Variants in KYNU observed in about 807,000 individuals in gnomAD.
KYNU encodes L-kynurenine hydrolase.
Under a neutral mutation model 59.2 loss-of-function variants are expected in KYNU, and 54 were observed. The observed-to-expected ratio is 0.91, with a 90% CI of 0.73 to 1.14. The LOEUF (loss-of-function observed/expected upper bound fraction) is 1.14. KYNU is among the 50% of genes most tolerant of loss of function. The pLI is 0.00. For synonymous variants in KYNU, 177 were observed against 192.0 expected (o/e 0.92, Z 0.65); for missense variants, 567 against 554.4 (o/e 1.02, Z -0.23).
chr2:142,912,703 CTTTTTTTTTT>C (rs1163302368), intron 2 of KYNU, among the ~76,000 whole-genome samples: 2 of 71,836 alleles, frequency 2.8e-5, no homozygotes, highest in African/African-American at 7.1e-5. Context: ...TTCTTTCTTC[CTTTTTTTTTT>C]TTTTTTTTTT....
At chr2:142,947,297 A>G (rs1427496822) in intron 4 of KYNU, 15 of 1,403,698 alleles carry the variant, frequency 1.1e-5, no homozygotes, top group Non-Finnish European at 1.3e-5. Flanking sequence ...ACTCACCACT[A>G]CACACCTGTG....
intron 10 of KYNU, chr2:142,989,934 T>C (rs550781722): frequency 3.9e-5 from 6 of 152,000 alleles, no homozygotes; most frequent in African/African-American, 1.2e-4. Flanking sequence ...TACCAAGAGA[T>C]TTCACTTCCT....
intron 2 of KYNU, among the ~76,000 whole-genome samples, chr2:142,916,002 A>T (rs1001027333): frequency 1.3e-5 from 2 of 152,116 alleles, no homozygotes; most frequent in Non-Finnish European, 2.9e-5. Context: ...CACACAAGAG[A>T]TGGCCATCTG....
intron 10 of KYNU, among the ~76,000 whole-genome samples, chr2:142,986,916 G>T (rs1223089924): frequency 6.6e-6 from 1 of 151,788 alleles, no homozygotes; most frequent in Non-Finnish European, 1.5e-5. Flanking sequence ...CTGAAGTTCT[G>T]TGCATATAAA....
Position 143,040,648 on chromosome 2 carries a change from G to A in KYNU, c.1262G>A (p.Arg421Lys), listed in dbSNP as rs760345727. 3 of 1,602,514 alleles carry A rather than the reference G, an allele frequency of 1.9e-6. No homozygotes were observed. The highest frequency in any genetic ancestry group is 2.6e-6 in the Non-Finnish European group (3 of 1,172,674). ...NKDVFQELEK[R>K]GVVCDKRNPN... ...GATGTTTTCCAAGAACTAGAAAAAA[G>A]AGGAGTGGTTGTAAGTATGTCTTGC... is the stretch of plus-strand genomic sequence containing the variant. The change falls in exon 13 of 14, where the codon AGA (arginine) becomes AAA (lysine). Residue 421 changes from arginine (R) to lysine (K), a missense_variant. By Grantham distance (26) the Arg-to-Lys change is conservative (BLOSUM62 2). Coordinates refer to ENST00000264170, the MANE Select transcript of KYNU (RefSeq NM_003937.3).
In KYNU at chr2:143,007,241, C is replaced by T. The variant is rs570716868; in HGVS notation, c.902+21220C>T. On this transcript the variant is annotated intron_variant, in intron 10 of 13. Transcript: ENST00000264170. ...GCTGATGGAGCTGAAAACCAAGGCTCGAGAACTACATGAAGAATGCAGAAG... is the reference window on the plus strand; with the variant it reads ...GCTGATGGAGCTGAAAACCAAGGCTTGAGAACTACATGAAGAATGCAGAAG... Among the ~76,000 whole-genome samples the T allele has an allele frequency of 5.3e-5, 8 of 149,640 alleles. 1 individual carries two copies. Among genetic ancestry groups the T allele is most frequent in the South Asian group, 4.2e-4 (2 of 4,788 alleles).
At chr2:142,915,832 T>C (rs1272875130) in intron 2 of KYNU, among the ~76,000 whole-genome samples, 1 of 152,180 alleles carries the variant, frequency 6.6e-6, no homozygotes, top group East Asian at 1.9e-4. Flanking sequence ...TCCCTAAAAA[T>C]TCATGTGTTG....
chr2:142,946,656 A>G (rs1217171547), intron 4 of KYNU, among the ~76,000 whole-genome samples: 1 of 152,206 alleles, frequency 6.6e-6, no homozygotes, highest in African/African-American at 2.4e-5. Context: ...TATAAAGCAC[A>G]GGAAGAGTAG....
At chr2:143,032,951 G>A (rs903054359) in intron 11 of KYNU, among the ~76,000 whole-genome samples, 1 of 152,118 alleles carries the variant, frequency 6.6e-6, no homozygotes, top group Non-Finnish European at 1.5e-5. Context: ...GAATAGGAAG[G>A]CAGAGAATGA....
intron 8 of KYNU, among the ~76,000 whole-genome samples, chr2:142,965,435 AAAGACTTGAGGC>A (rs150914682): frequency 0.078 from 11,877 of 152,194 alleles, 737 homozygotes; most frequent in East Asian, 0.35. Context: ...TCTCACCACG[AAAGACTTGAGGC>A]AAGGGGCTGC....
intron 7 of KYNU, among the ~76,000 whole-genome samples, chr2:142,958,482 A>G (rs13009680): frequency 0.079 from 11,976 of 152,232 alleles, 1,386 homozygotes; most frequent in African/African-American, 0.25. Context: ...ATGCTCCCAG[A>G]CCGCTAGTCA....
In KYNU at chr2:143,005,719, C is replaced by A. The variant is rs988665571; in HGVS notation, c.902+19698C>A. Among the ~76,000 whole-genome samples, 7 of 151,870 alleles carry A rather than the reference C, an allele frequency of 4.6e-5. No homozygotes were observed. In the South Asian group the frequency reaches 6.3e-4, roughly 14 times the overall value. On this transcript the variant is annotated intron_variant, in intron 10 of 13. Coordinates refer to ENST00000264170, the MANE Select transcript of KYNU (RefSeq NM_003937.3). ...AAACCTGGAACTATTTAGGTTGGTG[C>A]AAAAGTAATTGTGGTTTTTGCCATG...
At chr2:143,039,331 C>T (rs1030061102) in intron 12 of KYNU, among the ~76,000 whole-genome samples, 3 of 152,076 alleles carry the variant, frequency 2.0e-5, no homozygotes, top group African/African-American at 7.2e-5. Context: ...CACTGCTTTA[C>T]ACATTTGCAC....
intron 8 of KYNU, among the ~76,000 whole-genome samples, chr2:142,977,348 G>T (rs922869751): frequency 3.8e-5 from 4 of 105,180 alleles, no homozygotes; most frequent in Admixed American, 9.2e-5. Context: ...CAGGTGGCTA[G>T]CTTCCTGGAT....
intron 3 of KYNU, among the ~76,000 whole-genome samples, chr2:142,923,046 G>T (rs351712): frequency 0.026 from 3,930 of 152,218 alleles, 170 homozygotes; most frequent in Admixed American, 0.11. Flanking sequence ...TTTTACAAGG[G>T]TACTAATCCC....
rs181782167 is a variant in KYNU, at chr2:142,884,155, T to C, written c.-19-1194T>C. 6.6e-5 allele frequency among the ~76,000 whole-genome samples: 10 copies of C among 152,340 alleles called. No individual in the cohort carries two copies. In the East Asian group the frequency reaches 1.9e-3, roughly 29 times the overall value. ...AATGTTGCATGATGATTAAACAGAA[T>C]ACAATGTGGTTTCAAGAAACATCAC... On this transcript the variant is annotated intron_variant, in intron 1 of 13. Transcript: ENST00000264170.
chr2:143,039,827 A>T (rs938760092), intron 12 of KYNU, among the ~76,000 whole-genome samples: 2 of 152,122 alleles, frequency 1.3e-5, no homozygotes, highest in African/African-American at 4.8e-5. Context: ...TGGAGTGATT[A>T]CCCTTATCTT....
In KYNU at chr2:143,029,627, A is replaced by G. The variant is rs750134354; in HGVS notation, c.903A>G (p.Ala301=). The change falls in exon 11 of 14, where the codon GCA becomes GCG. Residue 301 remains alanine, a splice_region_variant and synonymous_variant. Coordinates refer to ENST00000264170, the MANE Select transcript of KYNU (RefSeq NM_003937.3). The part of the protein sequence containing the change: ...HEKHAHTIKP[A]LVGWFGHELS... ...CCTAATGTTTTTATTTATATTTTAG[A>G]TTAGTGGGATGGTTTGGCCATGAAC... 3.1e-6 allele frequency: 5 copies of G among 1,594,430 alleles called. No homozygotes were observed. In the Admixed American group the frequency reaches 8.3e-5, roughly 27 times the overall value.
chr2:143,021,967 T>C (rs148270910), intron 10 of KYNU, among the ~76,000 whole-genome samples: 23 of 152,334 alleles, frequency 1.5e-4, no homozygotes, highest in African/African-American at 5.3e-4. Context: ...TGTTGCAATT[T>C]AGATTTCAGA....
Sources: gnomAD v4.1 joint callset for allele counts (sites outside exome capture counted in the v4.1 genomes callset) on GRCh38, gnomAD v4.1.1 for gene constraint, MANE v1.5 for transcripts, NCBI Gene and HGNC (gene_info 2026-07-23, HGNC 2026-07-21) for gene names.